The following GAS7 variants were observed in gnomAD, a reference collection of about 807,000 sequenced individuals.
The protein encoded by GAS7 is growth arrest-specific protein 7.
In GAS7, 28 loss-of-function variants were observed where a neutral mutation model predicts 71.1. The observed-to-expected ratio is 0.39, with a 90% CI of 0.29 to 0.54. The LOEUF (loss-of-function observed/expected upper bound fraction) is 0.54, where lower values mean the gene tolerates loss of function less well. Among genes scored for constraint, GAS7 ranks in the 20% least tolerant of loss-of-function variants. The pLI is 0.62. For missense variants in GAS7, 436 were observed against 627.8 expected (o/e 0.69, Z 3.27); for synonymous variants, 258 against 245.8 (o/e 1.05, Z -0.46).
chr17:10,155,985 G>A (rs1272038166), intron 1 of GAS7, among the ~76,000 whole-genome samples: 1 of 152,136 alleles, frequency 6.6e-6, no homozygotes, highest in Non-Finnish European at 1.5e-5. Flanking sequence ...AGTCAGGTTC[G>A]AAGGGAATAC....
At chr17:10,102,498 G>C (rs990927863) in intron 1 of GAS7, among the ~76,000 whole-genome samples, 3 of 152,076 alleles carry the variant, frequency 2.0e-5, no homozygotes, top group Non-Finnish European at 4.4e-5. Context: ...AATGGCCTCC[G>C]CATGCTGATT....
At chr17:9,991,357 C>T (rs2152142873) in intron 2 of GAS7, among the ~76,000 whole-genome samples, 2 of 152,290 alleles carry the variant, frequency 1.3e-5, no homozygotes, top group East Asian at 3.9e-4. Context: ...TTCCCACTCA[C>T]AGCTGCTTAC....
intron 1 of GAS7, among the ~76,000 whole-genome samples, chr17:10,087,759 C>T (rs2073535513): frequency 6.6e-6 from 1 of 152,170 alleles, no homozygotes; most frequent in Non-Finnish European, 1.5e-5. Context: ...TTCCAAGGCC[C>T]TTCTCACTTC....
Position 10,026,382 on chromosome 17 carries a change from G to T in GAS7, c.184-6485C>A. 1 of 763,102 alleles carries T rather than the reference G, an allele frequency of 1.3e-6. No individual in the cohort carries two copies. The highest frequency in any genetic ancestry group is 1.6e-6 in the Non-Finnish European group (1 of 626,736). 47.3% of individuals were successfully genotyped at this position (763,102 alleles called of 1,614,324 possible). Reference sequence around the variant, plus strand: ...ACAGCTCTGAAGTTGTCAGCCTAACGAGCCACTTTCTGGCAGACCCGTTGC... The same window carrying T: ...ACAGCTCTGAAGTTGTCAGCCTAACTAGCCACTTTCTGGCAGACCCGTTGC... On this transcript the variant is annotated intron_variant, in intron 1 of 13. Transcript: ENST00000432992. The surrounding 1 kb of genome is among the most constrained non-coding windows in gnomAD (Gnocchi z 4.5).
intron 4 of GAS7, among the ~76,000 whole-genome samples, chr17:9,961,121 C>T (rs2069472973): frequency 6.6e-6 from 1 of 152,216 alleles, no homozygotes; most frequent in South Asian, 2.1e-4. Flanking sequence ...ATCTGATCTA[C>T]ACTGTGGTTT....
At chr17:10,054,390 G>A (rs572814366) in intron 1 of GAS7, among the ~76,000 whole-genome samples, 8 of 152,214 alleles carry the variant, frequency 5.3e-5, no homozygotes, top group African/African-American at 9.6e-5. Flanking sequence ...CAAGCAGGGC[G>A]GCAGGCTTGG....
chr17:10,075,800 TAAA>T (rs79319593), intron 1 of GAS7, among the ~76,000 whole-genome samples: 1 of 131,114 alleles, frequency 7.6e-6, no homozygotes. Flanking sequence ...ATCTCAGTTT[TAAA>T]AAAAAAAAAA....
At chr17:10,024,243 C>T (rs895157832) in intron 1 of GAS7, among the ~76,000 whole-genome samples, 1 of 152,228 alleles carries the variant, frequency 6.6e-6, no homozygotes, top group Non-Finnish European at 1.5e-5. Context: ...CATTACCTCA[C>T]CCTTCATGGC....
intron 2 of GAS7, among the ~76,000 whole-genome samples, chr17:10,007,371 T>G (rs780360212): frequency 3.9e-5 from 6 of 152,210 alleles, no homozygotes; most frequent in African/African-American, 7.2e-5. Flanking sequence ...ATGCCTGTAT[T>G]CCCAGCACTT....
rs1362612880 is a variant in GAS7, at chr17:9,934,235, T to A, written c.816A>T (p.Gly272=). The change falls in exon 9 of 14, where the codon GGA becomes GGT. Residue 272 remains glycine, a synonymous_variant. Coordinates refer to ENST00000432992, the MANE Select transcript of GAS7 (RefSeq NM_201433.2). The stretch of plus-strand genomic sequence containing the variant: ...TCTTCTTCACCTGGGCCCACGCCTC[T>A]CCCAAGGAGCTGCAACACAAAGACC... ...SLASQEEGSL[G]EAWAQVKKSL... 1 of 1,609,686 alleles carries A rather than the reference T, an allele frequency of 6.2e-7. No individual in the cohort carries two copies. Among genetic ancestry groups the A allele is most frequent in the African/African-American group, 1.3e-5 (1 of 74,930 alleles).
intron 11 of GAS7, among the ~76,000 whole-genome samples, 192 bp downstream of exon 11, chr17:9,925,284 C>G (rs1597455554): frequency 6.6e-6 from 1 of 152,322 alleles, no homozygotes; most frequent in Middle Eastern, 3.4e-3. Flanking sequence ...CCCAAAGTCT[C>G]TTTCTTTGAG....
chr17:10,121,158 A>C (rs1401025755), intron 1 of GAS7, among the ~76,000 whole-genome samples: 5 of 152,198 alleles, frequency 3.3e-5, no homozygotes, highest in Non-Finnish European at 7.4e-5. Flanking sequence ...AGGAGGGTGG[A>C]TCACCTGAGG....
At chr17:10,031,734 C>G (rs16959245) in intron 1 of GAS7, among the ~76,000 whole-genome samples, 28,193 of 152,210 alleles carry the variant, frequency 0.19, 3,325 homozygotes, top group African/African-American at 0.33. Flanking sequence ...GAGGAAAACT[C>G]TGAATGTGAG....
chr17:9,951,760 CAAAAAA>C (rs59048492), intron 5 of GAS7, among the ~76,000 whole-genome samples: 1,459 of 69,018 alleles, frequency 0.021, 44 homozygotes, highest in African/African-American at 0.063. Context: ...AACTCTGTCT[CAAAAAA>C]AAAAAAAAAA....
At chr17:10,181,700 G>A (rs963418947) in intron 1 of GAS7, among the ~76,000 whole-genome samples, 4 of 152,268 alleles carry the variant, frequency 2.6e-5, no homozygotes, top group Middle Eastern at 3.4e-3. Context: ...GCAGAGTTCC[G>A]TGATCAAACT....
intron 6 of GAS7, among the ~76,000 whole-genome samples, chr17:9,945,950 C>T (rs1388423895): frequency 6.6e-6 from 1 of 152,154 alleles, no homozygotes; most frequent in Non-Finnish European, 1.5e-5. Flanking sequence ...CACCACTGCA[C>T]TCCAGCCTGG....
chr17:10,113,263 A>C (rs1351146833), intron 1 of GAS7, among the ~76,000 whole-genome samples: 1 of 152,238 alleles, frequency 6.6e-6, no homozygotes, highest in African/African-American at 2.4e-5. Context: ...CAGTCTTGTT[A>C]GAGGCAATCT....
chr17:9,919,797 C>A lies in GAS7; in HGVS notation c.1139-92G>T. 1 of 933,084 alleles carries A rather than the reference C, an allele frequency of 1.1e-6. No individual in the cohort carries two copies. Among genetic ancestry groups the A allele is most frequent in the Non-Finnish European group, 1.8e-6 (1 of 565,396 alleles). 57.8% of individuals were successfully genotyped at this position (933,084 alleles called of 1,614,324 possible). A position where few individuals can be genotyped will look rare whatever the true frequency, so the allele number is the denominator to read the frequency against. On this transcript the variant is annotated intron_variant, in intron 11 of 13. Transcript: ENST00000432992. This position sits in a 1 kb window ranked among gnomAD's most constrained non-coding sequence, Gnocchi z 5.0. ...GAGCCCCACAGCCAAGCCTTCTCCT[C>A]CCCCTGGGGTCATGGTGGCCGCTGG...
At chr17:10,078,069 GTGTGTGTGTGTTT>G (rs1263742453) in intron 1 of GAS7, among the ~76,000 whole-genome samples, 2 of 116,160 alleles carry the variant, frequency 1.7e-5, no homozygotes, top group South Asian at 2.4e-4. Flanking sequence ...GTGTGTGTGT[GTGTGTGTGTGTTT>G]TGTTTTGTTT....
Sources: gnomAD v4.1 joint callset for allele counts (sites outside exome capture counted in the v4.1 genomes callset) on GRCh38, gnomAD v4.1.1 for gene constraint, Gnocchi (gnomAD v3.1) non-coding constraint, MANE v1.5 for transcripts, NCBI Gene and HGNC (gene_info 2026-07-23, HGNC 2026-07-21) for gene names.